ST3GAL3: variants seen among roughly 807,000 people sequenced by gnomAD.
The protein encoded by ST3GAL3 is ST3 beta-galactoside alpha-2,3-sialyltransferase 3, also known as CMP-N-acetylneuraminate-beta-1,4-galactoside alpha-2,3-sialyltransferase.
A neutral mutation model predicts 50.1 loss-of-function variants in ST3GAL3; 21 were observed. The observed-to-expected ratio is 0.42, with a 90% CI of 0.30 to 0.60. ST3GAL3 has a LOEUF of 0.60. Ranked by LOEUF, ST3GAL3 falls within the 20% of genes least tolerant of loss-of-function variation. The probability of loss-of-function intolerance (pLI) is 0.19; values close to 1 mark genes in which losing one functional copy is unlikely to be tolerated. For synonymous variants in ST3GAL3, 183 were observed against 190.0 expected, an observed-to-expected ratio of 0.96 and a Z score of 0.30; for missense variants, 353 against 489.4, an observed-to-expected ratio of 0.72 and a Z score of 2.63.
chr1:43,720,425 A>C (rs537455233), intron 1 of ST3GAL3: 1 of 152,344 alleles, frequency 6.6e-6, no homozygotes, highest in South Asian at 2.1e-4. Context: ...TTACTATAAC[A>C]ATAGCTAAGA....
intron 5 of ST3GAL3, among the ~76,000 whole-genome samples, chr1:43,852,689 T>C (rs999011774): frequency 6.6e-6 from 1 of 152,204 alleles, no homozygotes; most frequent in Admixed American, 6.5e-5. Context: ...AAACTAATTA[T>C]TGTGACATAT....
intron 1 of ST3GAL3, among the ~76,000 whole-genome samples, chr1:43,722,778 T>G (rs1027214869): frequency 6.6e-6 from 1 of 152,156 alleles, no homozygotes; most frequent in Non-Finnish European, 1.5e-5. Flanking sequence ...TTGATTGAGA[T>G]AGTAAATGCT....
At chr1:43,903,008 G>A (rs969069485) in intron 9 of ST3GAL3, among the ~76,000 whole-genome samples, 1 of 152,198 alleles carries the variant, frequency 6.6e-6, no homozygotes, top group African/African-American at 2.4e-5. Context: ...GGCAGGTGGG[G>A]GACAAAAGAA....
chr1:43,881,026 T>G (rs2075031521), intron 5 of ST3GAL3, among the ~76,000 whole-genome samples: 1 of 151,946 alleles, frequency 6.6e-6, no homozygotes, highest in Admixed American at 6.5e-5. Context: ...TTTTTTTTCC[T>G]TTGAGACGGA....
chr1:43,832,714 A>G (rs549413551), intron 4 of ST3GAL3, among the ~76,000 whole-genome samples: 1 of 152,324 alleles, frequency 6.6e-6, no homozygotes, highest in East Asian at 1.9e-4. Flanking sequence ...TTCAAAAAAA[A>G]AATTAAAGTG....
intron 2 of ST3GAL3, among the ~76,000 whole-genome samples, chr1:43,768,965 C>G (rs1694104277): frequency 4.6e-5 from 7 of 152,068 alleles, no homozygotes; most frequent in Admixed American, 4.6e-4. Context: ...AGATTAAAGG[C>G]CAAGCTACCT....
At chr1:43,800,452 C>T (rs2059185489) in intron 3 of ST3GAL3, among the ~76,000 whole-genome samples, 1 of 152,194 alleles carries the variant, frequency 6.6e-6, no homozygotes, top group South Asian at 2.1e-4. Flanking sequence ...CCAGGGCCTT[C>T]TGACATCACC....
At chr1:43,815,235 G>A (rs966235063) in intron 4 of ST3GAL3, among the ~76,000 whole-genome samples, 1 of 152,160 alleles carries the variant, frequency 6.6e-6, no homozygotes, top group Admixed American at 6.5e-5. Flanking sequence ...CTCCTGCAGG[G>A]TAGAGGACAG....
intron 2 of ST3GAL3, among the ~76,000 whole-genome samples, chr1:43,779,208 C>G (rs1359664901): frequency 3.3e-5 from 5 of 152,110 alleles, no homozygotes; most frequent in Non-Finnish European, 5.9e-5. Flanking sequence ...TCCCAAAGTG[C>G]TGGGATTACA....
chr1:43,868,953 A>G (rs1019459644), intron 5 of ST3GAL3, among the ~76,000 whole-genome samples: 5 of 152,280 alleles, frequency 3.3e-5, no homozygotes, highest in Non-Finnish European at 7.4e-5. Flanking sequence ...GAAAGTCCCT[A>G]GATGCTAGCA....
chr1:43,736,197 C>CT (rs1678353931), intron 1 of ST3GAL3, 36 bp from the exon 2 acceptor site: 8 of 1,572,072 alleles, frequency 5.1e-6, no homozygotes, highest in Non-Finnish European at 7.0e-6. Context: ...AAGATGAGTG[C>CT]TTTGTCTTTT....
In ST3GAL3 at chr1:43,868,712, C is replaced by T. The variant is rs146215597; in HGVS notation, c.303-25671C>T. 2.8e-3 allele frequency among the ~76,000 whole-genome samples: 433 copies of T among 152,232 alleles called. 2 individuals are homozygous for T. Among genetic ancestry groups the T allele is most frequent in the African/African-American group, 9.6e-3 (399 of 41,536 alleles). ...GTTTCCTCTCCTTGCCTACCTCCCCCACCCTCTAGCAAAGTTGCCTGGCTA... is the reference window on the plus strand; with the variant it reads ...GTTTCCTCTCCTTGCCTACCTCCCCTACCCTCTAGCAAAGTTGCCTGGCTA... On this transcript the variant is annotated intron_variant, in intron 5 of 11. Coordinates refer to ENST00000347631, the MANE Select transcript of ST3GAL3 (RefSeq NM_006279.5).
intron 1 of ST3GAL3, among the ~76,000 whole-genome samples, chr1:43,732,247 G>T (rs1055693805): frequency 5.9e-5 from 9 of 152,120 alleles, no homozygotes; most frequent in Non-Finnish European, 1.5e-5. Context: ...GCATCATCTG[G>T]GCTTCCTTGC....
At chr1:43,734,910 C>T (rs185877019) in intron 1 of ST3GAL3, among the ~76,000 whole-genome samples, 5 of 152,084 alleles carry the variant, frequency 3.3e-5, no homozygotes, top group South Asian at 2.1e-4. Flanking sequence ...GCCAATGTTA[C>T]ATTTTACATT....
chr1:43,858,158 G>A (rs2068982004), intron 5 of ST3GAL3: 1 of 1,289,290 alleles, frequency 7.8e-7, no homozygotes, highest in African/African-American at 1.5e-5. Flanking sequence ...GGTGCATGGA[G>A]ACAAAAACAT....
At chr1:43,803,191 T>C (rs906158148) in intron 3 of ST3GAL3, among the ~76,000 whole-genome samples, 1 of 152,160 alleles carries the variant, frequency 6.6e-6, no homozygotes, top group Non-Finnish European at 1.5e-5. Context: ...CCCAAAATGC[T>C]GGAATTACAG....
Position 43,899,833 on chromosome 1 carries a change from A to T in ST3GAL3, c.744+106A>T. ...GCAAAGAACGAGTAAGAACCTTCAAAGGAAACATTAATGACCCAAAGCCGA... is the reference window on the plus strand; with the variant it reads ...GCAAAGAACGAGTAAGAACCTTCAATGGAAACATTAATGACCCAAAGCCGA... On this transcript the variant is annotated intron_variant, in intron 9 of 11. Coordinates refer to ENST00000347631, the MANE Select transcript of ST3GAL3 (RefSeq NM_006279.5). The surrounding 1 kb of genome is among the most constrained non-coding windows in gnomAD (Gnocchi z 5.4). 1 of 1,185,854 alleles carries T rather than the reference A, an allele frequency of 8.4e-7. No individual in the cohort carries two copies. Among genetic ancestry groups the T allele is most frequent in the East Asian group, 2.5e-5 (1 of 39,986 alleles). The allele number at this position is 1,185,854 out of a possible 1,614,324, so 73.5% of individuals were successfully genotyped here.
chr1:43,763,967 A>T (rs1691560140), intron 2 of ST3GAL3, among the ~76,000 whole-genome samples: 1 of 152,134 alleles, frequency 6.6e-6, no homozygotes, highest in Non-Finnish European at 1.5e-5. Flanking sequence ...ACCCCACCTA[A>T]CGTTGAGTCC....
At chr1:43,865,985 A>G (rs567634000) in intron 5 of ST3GAL3, among the ~76,000 whole-genome samples, 1 of 152,354 alleles carries the variant, frequency 6.6e-6, no homozygotes, top group South Asian at 2.1e-4. Context: ...TGAAGTATTC[A>G]TGGCCCCTCA....
Sources: gnomAD v4.1 joint callset for allele counts (sites outside exome capture counted in the v4.1 genomes callset) on GRCh38, gnomAD v4.1.1 for gene constraint, Gnocchi (gnomAD v3.1) non-coding constraint, MANE v1.5 for transcripts, NCBI Gene and HGNC (gene_info 2026-07-23, HGNC 2026-07-21) for gene names.